ZNF518A: variants seen among roughly 807,000 people sequenced by gnomAD.
ZNF518A encodes the protein zinc finger protein 518.
ZNF518A carries 47 observed loss-of-function variants against 102.7 expected under a neutral mutation model. The ratio of observed to expected loss-of-function variants is 0.46; its 90% CI spans 0.36 to 0.58. ZNF518A has a LOEUF of 0.58. ZNF518A is among the 20% of genes least tolerant of loss of function. The probability of loss-of-function intolerance (pLI) is 0.00; values close to 1 mark genes in which losing one functional copy is unlikely to be tolerated. For missense variants in ZNF518A, 1,793 were observed against 1,699.8 expected, an observed-to-expected ratio of 1.05 and a Z score of -0.96; for synonymous variants, 652 against 594.6, an observed-to-expected ratio of 1.10 and a Z score of -1.40.
chr10:96,161,870 G>A lies in ZNF518A; in HGVS notation c.*1096G>A, dbSNP rs2083013238. 1 of 166,980 alleles carries A rather than the reference G, an allele frequency of 6.0e-6. No individual in the cohort carries two copies. The highest frequency in any genetic ancestry group is 2.4e-5 in the African/African-American group (1 of 41,442). The allele number at this position is 166,980 out of a possible 1,614,324, so 10.3% of individuals were successfully genotyped here. A position where few individuals can be genotyped will look rare whatever the true frequency, so the allele number is the denominator to read the frequency against. On this transcript the variant is annotated 3_prime_UTR_variant, in exon 6 of 6. Coordinates refer to ENST00000316045, the MANE Select transcript of ZNF518A (RefSeq NM_001330736.2). Reference sequence around the variant, plus strand: ...AGATTGTTGGCATTTGCAAAAGGAAGCATCAATAGTGGACCCAGAGGCAGT... The same window carrying A: ...AGATTGTTGGCATTTGCAAAAGGAAACATCAATAGTGGACCCAGAGGCAGT...
Position 96,158,827 on chromosome 10 carries a change from G to A in ZNF518A, c.2505G>A (p.Val835=). ...KIVESSKDFK[V]QGIFPVPPGS... ...TTGAATCTTCGAAAGATTTCAAAGTGCAAGGCATCTTCCCAGTTCCACCTG... is the reference window on the plus strand; with the variant it reads ...TTGAATCTTCGAAAGATTTCAAAGTACAAGGCATCTTCCCAGTTCCACCTG... Residue 835 remains valine, a synonymous_variant, in exon 6 of 6, where the codon GTG becomes GTA. Coordinates refer to ENST00000316045, the MANE Select transcript of ZNF518A (RefSeq NM_001330736.2). 1 of 1,613,782 alleles carries A rather than the reference G, an allele frequency of 6.2e-7. No homozygotes were observed.
intron 3 of ZNF518A, among the ~76,000 whole-genome samples, chr10:96,140,884 T>C (rs2081889193): frequency 6.6e-6 from 1 of 152,076 alleles, no homozygotes. Context: ...GAGGCTGTAA[T>C]GAGCCGTAAT....
exon 3 of ZNF518A, chr10:96,204,124 G>T: frequency 6.2e-7 from 1 of 1,612,000 alleles, no homozygotes; most frequent in Non-Finnish European, 8.5e-7. Context: ...AAAGGACAAA[G>T]CACAATATGA....
At chr10:96,147,777 T>C (rs587758521) in intron 3 of ZNF518A, among the ~76,000 whole-genome samples, 43 of 152,364 alleles carry the variant, frequency 2.8e-4, no homozygotes, top group Non-Finnish European at 5.4e-4. Flanking sequence ...TGCAATGATA[T>C]GCCTGCGTAC....
chr10:96,204,122 A>G (rs1237807710), exon 3 of ZNF518A: 1 of 1,612,592 alleles, frequency 6.2e-7, no homozygotes, highest in East Asian at 2.2e-5. Flanking sequence ...TTAAAGGACA[A>G]AGCACAATAT....
At chr10:96,176,761 T>A (rs1346540144) in intron 1 of ZNF518A, among the ~76,000 whole-genome samples, 1 of 139,726 alleles carries the variant, frequency 7.2e-6, no homozygotes, top group Non-Finnish European at 1.5e-5. Flanking sequence ...CTGGGCGTGG[T>A]GGCAGACACC....
chr10:96,151,433 C>T (rs2082446436), intron 3 of ZNF518A: 1 of 152,288 alleles, frequency 6.6e-6, no homozygotes. Flanking sequence ...TAGCAATCCC[C>T]TACTCTGTCT....
In ZNF518A at chr10:96,163,706, A is replaced by G. The variant is rs1236625846; in HGVS notation, c.*2932A>G. The stretch of plus-strand genomic sequence containing the variant: ...CTCATAATGCAGAAAAAAACCATAG[A>G]CAATATGTAAATGAATTAGTGTGGC... On this transcript the variant is annotated 3_prime_UTR_variant, in exon 6 of 6. Transcript: ENST00000316045. 4 of 167,066 alleles carry G rather than the reference A, an allele frequency of 2.4e-5. No homozygotes were observed. The Admixed American group carries it at 2.6e-4, about 11-fold the overall frequency. The allele number at this position is 167,066 out of a possible 1,614,324, so 10.3% of individuals were successfully genotyped here. A position where few individuals can be genotyped will look rare whatever the true frequency, so the allele number is the denominator to read the frequency against.
At chr10:96,177,216 C>G (rs587666990) in intron 1 of ZNF518A, among the ~76,000 whole-genome samples, 2 of 152,090 alleles carry the variant, frequency 1.3e-5, no homozygotes, top group East Asian at 3.9e-4. Flanking sequence ...ACTATGCAAT[C>G]CAGAAGATAG....
intron 4 of ZNF518A, 80 bp downstream of exon 4, chr10:96,155,456 C>T (rs1234555390): frequency 6.6e-6 from 1 of 152,086 alleles, no homozygotes; most frequent in African/African-American, 2.4e-5. Flanking sequence ...TGTCATCTGG[C>T]TTGAGTTCTG....
chr10:96,183,991 G>T (rs949335440), intron 1 of ZNF518A, among the ~76,000 whole-genome samples: 1 of 152,136 alleles, frequency 6.6e-6, no homozygotes, highest in Non-Finnish European at 1.5e-5. Flanking sequence ...ATGAATCTGG[G>T]TGCTCCCGTA....
intron 1 of ZNF518A, among the ~76,000 whole-genome samples, chr10:96,193,246 T>G (rs1428275840): frequency 6.6e-6 from 1 of 152,238 alleles, no homozygotes; most frequent in Non-Finnish European, 1.5e-5. Flanking sequence ...CCATTAAACA[T>G]TCATTCTGCT....
chr10:96,160,910 T>G lies in ZNF518A; in HGVS notation c.*136T>G. ...ACATTTTAAAAGTTGATTGTATTTC[T>G]GTGGAAGAGTAAAAGTTGTATGTAT... On this transcript the variant is annotated 3_prime_UTR_variant, in exon 6 of 6. Coordinates refer to ENST00000316045, the MANE Select transcript of ZNF518A (RefSeq NM_001330736.2). 1.0e-6 allele frequency: 1 copy of G among 966,946 alleles called. No homozygotes were observed. The highest frequency in any genetic ancestry group is 2.8e-4 in the Middle Eastern group (1 of 3,628). The allele number at this position is 966,946 out of a possible 1,614,324, so 59.9% of individuals were successfully genotyped here. A position where few individuals can be genotyped will look rare whatever the true frequency, so the allele number is the denominator to read the frequency against.
rs2082912081 is a variant in ZNF518A, at chr10:96,159,830, C to A, written c.3508C>A (p.Gln1170Lys). The A allele has an allele frequency of 6.2e-7, 1 of 1,613,180 alleles. No homozygotes were observed. The highest frequency in any genetic ancestry group is 1.3e-5 in the African/African-American group (1 of 74,858). ...LSVSNSASSL[Q>K]KDNVPSNQII... ...AGTAAGCAACTCTGCATCCTCATTG[C>A]AAAAAGACAACGTACCATCTAATCA... The change falls in exon 6 of 6, where the codon CAA (glutamine) becomes AAA (lysine). Residue 1170 changes from glutamine (Q) to lysine (K), a missense_variant. By Grantham distance (53) the Gln-to-Lys change is moderately conservative. Around this residue, in one of 3 missense-constraint regions of ZNF518A, gnomAD observed 1,741 missense variants for 1,622.6 expected, o/e 1.07. Coordinates refer to ENST00000316045, the MANE Select transcript of ZNF518A (RefSeq NM_001330736.2).
intron 1 of ZNF518A, among the ~76,000 whole-genome samples, chr10:96,174,590 A>C (rs2083192276): frequency 6.6e-6 from 1 of 152,202 alleles, no homozygotes; most frequent in Non-Finnish European, 1.5e-5. Flanking sequence ...AAGATACAAA[A>C]ACTATTTTAA....
In ZNF518A at chr10:96,158,142, C is replaced by G; in HGVS notation, c.1820C>G (p.Pro607Arg). 6.2e-7 allele frequency: 1 copy of G among 1,613,476 alleles called. No homozygotes were observed. The highest frequency in any genetic ancestry group is 8.5e-7 in the Non-Finnish European group (1 of 1,179,648). Residue 607 changes from proline to arginine, a missense_variant, in exon 6 of 6, where the codon CCA becomes CGA. Around this residue, in one of 3 missense-constraint regions of ZNF518A, gnomAD observed 1,741 missense variants for 1,622.6 expected, o/e 1.07. Coordinates refer to ENST00000316045, the MANE Select transcript of ZNF518A (RefSeq NM_001330736.2). Reference protein sequence around the residue: ...SPDKVNCVAKPNAYNSGDMHN... With the variant: ...SPDKVNCVAKRNAYNSGDMHN... ...GATAAAGTCAACTGTGTTGCCAAAC[C>G]AAATGCATACAACAGTGGAGATATG...
chr10:96,176,573 G>A (rs2083205719), intron 1 of ZNF518A, among the ~76,000 whole-genome samples: 2 of 152,076 alleles, frequency 1.3e-5, no homozygotes, highest in Non-Finnish European at 2.9e-5. Context: ...AGACTACCCT[G>A]GGAAACATAG....
In ZNF518A at chr10:96,160,567, T is replaced by C; in HGVS notation, c.4245T>C (p.Ser1415=). Residue 1415 remains serine (S), a synonymous_variant, in exon 6 of 6, where the codon TCT becomes TCC. Transcript: ENST00000316045. The part of the protein sequence containing the change: ...KRHKTFKPVS[S]VKERFVLKLT... ...ACAAAACATTTAAACCTGTTAGTTC[T>C]GTGAAAGAAAGATTTGTGCTAAAAT... The C allele has an allele frequency of 6.2e-7, 1 of 1,611,960 alleles. No individual in the cohort carries two copies. Among genetic ancestry groups the C allele is most frequent in the Non-Finnish European group, 8.5e-7 (1 of 1,179,154 alleles).
At position 96,159,299 on chromosome 10, in the gene ZNF518A, G is replaced by A. The variant is rs1591243298; in HGVS notation, c.2977G>A (p.Val993Ile). The change falls in exon 6 of 6, where the codon GTC becomes ATC. Residue 993 changes from valine (V) to isoleucine (I), a missense_variant. Physicochemically the swap from Val to Ile is conservative, Grantham distance 29. This residue lies in a region of ZNF518A where 1,741 missense variants were observed against 1,622.6 expected (regional missense o/e 1.07). Coordinates refer to ENST00000316045, the MANE Select transcript of ZNF518A (RefSeq NM_001330736.2). Reference sequence around the variant, plus strand: ...TGGGAAACTTGAAGGTGTTTCCGCTGTCAAAACCGAGGGTGCCCCAGCTCG... The same window carrying A: ...TGGGAAACTTGAAGGTGTTTCCGCTATCAAAACCGAGGGTGCCCCAGCTCG... ...NNGKLEGVSA[V>I]KTEGAPARGT... 1.2e-6 allele frequency: 2 copies of A among 1,613,378 alleles called. No individual in the cohort carries two copies. The highest frequency in any genetic ancestry group is 2.2e-5 in the East Asian group (1 of 44,880).
Sources: allele counts gnomAD v4.1 joint callset (sites outside exome capture counted in the v4.1 genomes callset), GRCh38; gene constraint gnomAD v4.1.1; regional missense constraint gnomAD v4.1.1; transcripts MANE v1.5; gene names NCBI Gene and HGNC (gene_info 2026-07-23, HGNC 2026-07-21).